The following KANSL1L variants were observed in gnomAD, a reference collection of about 807,000 sequenced individuals.
The protein encoded by KANSL1L is KAT8 regulatory NSL complex subunit 1 like, also known as KAT8 regulatory NSL complex subunit 1-like protein.
Under a neutral mutation model 108.6 loss-of-function variants are expected in KANSL1L, and 25 were observed. The observed-to-expected ratio is 0.23, with a 90% CI of 0.17 to 0.32. The LOEUF is 0.32. Among genes scored for constraint, KANSL1L ranks in the 10% least tolerant of loss-of-function variants. The pLI is 1.00. For synonymous variants in KANSL1L, 405 were observed against 395.1 expected (o/e 1.03, Z -0.30); for missense variants, 1,137 against 1,125.7 (o/e 1.01, Z -0.14).
At chr2:210,049,208 G>A (rs2094259991) in intron 6 of KANSL1L, among the ~76,000 whole-genome samples, 1 of 151,980 alleles carries the variant, frequency 6.6e-6, no homozygotes, top group Non-Finnish European at 1.5e-5. Context: ...GAGTTTAATT[G>A]GAAAATATTC....
At chr2:210,144,282 T>G (rs994729541) in intron 2 of KANSL1L, among the ~76,000 whole-genome samples, 2 of 152,198 alleles carry the variant, frequency 1.3e-5, no homozygotes, top group African/African-American at 4.8e-5. Flanking sequence ...GACTATAATA[T>G]GTTGTAGTGT....
intron 3 of KANSL1L, among the ~76,000 whole-genome samples, chr2:210,108,685 T>A (rs1488781151): frequency 6.6e-6 from 1 of 152,214 alleles, no homozygotes; most frequent in African/African-American, 2.4e-5. Context: ...GCGGTGATCT[T>A]GAAACGACTG....
At chr2:210,120,925 T>A (rs913223950) in intron 3 of KANSL1L, among the ~76,000 whole-genome samples, 11 of 152,164 alleles carry the variant, frequency 7.2e-5, no homozygotes, top group Non-Finnish European at 2.9e-5. Context: ...ATTAGAGAAA[T>A]GCAAATCAAA....
At chr2:210,085,292 G>A (rs1198372335) in intron 5 of KANSL1L, among the ~76,000 whole-genome samples, 1 of 152,158 alleles carries the variant, frequency 6.6e-6, no homozygotes, top group East Asian at 1.9e-4. Flanking sequence ...AACTGTTAAA[G>A]CTGAGAATAT....
intron 6 of KANSL1L, among the ~76,000 whole-genome samples, chr2:210,071,874 C>CT (rs1169300875): frequency 1.3e-5 from 2 of 152,176 alleles, no homozygotes; most frequent in Non-Finnish European, 2.9e-5. Context: ...ACTCCCCTCT[C>CT]TTTTTGGTTG....
At chr2:210,171,447 A>G (rs745553397), upstream of KANSL1L, 177 of 156,108 alleles carry the variant, frequency 1.1e-3, 1 homozygote, top group Non-Finnish European at 1.8e-3. Flanking sequence ...GCCAATGGCA[A>G]CGGGGGAGGG....
chr2:210,132,779 C>T (rs928288191), intron 2 of KANSL1L, among the ~76,000 whole-genome samples: 3 of 152,018 alleles, frequency 2.0e-5, no homozygotes, highest in East Asian at 1.9e-4. Context: ...ATCTGCTGTT[C>T]TCTTGTCATA....
chr2:210,111,294 A>G (rs908115164), intron 3 of KANSL1L, among the ~76,000 whole-genome samples: 2 of 152,186 alleles, frequency 1.3e-5, no homozygotes, highest in Non-Finnish European at 2.9e-5. Context: ...CTACAATGGA[A>G]TACTGCTCAA....
intron 8 of KANSL1L, 133 bp downstream of exon 8, chr2:210,040,279 TGAGTTGTA>T: frequency 1.6e-6 from 1 of 629,638 alleles, no homozygotes; most frequent in Non-Finnish European, 2.8e-6. Flanking sequence ...TATGTGTACA[TGAGTTGTA>T]AAAAGTGAGT....
chr2:210,037,756 T>G (rs2094123015), intron 8 of KANSL1L, among the ~76,000 whole-genome samples: 1 of 152,144 alleles, frequency 6.6e-6, no homozygotes, highest in Admixed American at 6.5e-5. Flanking sequence ...AGTGTGAATC[T>G]CTAACAAACT....
At chr2:210,137,668 G>A (rs923324915) in intron 2 of KANSL1L, among the ~76,000 whole-genome samples, 3 of 152,040 alleles carry the variant, frequency 2.0e-5, no homozygotes, top group African/African-American at 7.2e-5. Flanking sequence ...TGCTAAAGAT[G>A]CCATAAAATT....
In KANSL1L at chr2:210,057,173, G is replaced by A. The variant is rs545224330; in HGVS notation, c.1756-13069C>T. 2.6e-5 allele frequency among the ~76,000 whole-genome samples: 4 copies of A among 152,236 alleles called. No individual in the cohort carries two copies. In the South Asian group the frequency reaches 8.3e-4, roughly 32 times the overall value. On this transcript the variant is annotated intron_variant, in intron 6 of 14. Coordinates refer to ENST00000281772, the MANE Select transcript of KANSL1L (RefSeq NM_152519.4). ...TCCCAGCACTTTGTGAGGCCAAGGT[G>A]GGCAGATCCCTTGAGGCCAGGAATT...
intron 3 of KANSL1L, among the ~76,000 whole-genome samples, chr2:210,112,016 G>A (rs1372568952): frequency 1.1e-4 from 16 of 151,860 alleles, no homozygotes; most frequent in Admixed American, 1.0e-3. Flanking sequence ...AGTTTGCTGA[G>A]AATGATGGTT....
At chr2:210,143,655 T>C (rs907776683) in intron 2 of KANSL1L, among the ~76,000 whole-genome samples, 1 of 152,144 alleles carries the variant, frequency 6.6e-6, no homozygotes, top group Non-Finnish European at 1.5e-5. Context: ...GTGGTTACCA[T>C]TAGGCTTAAG....
rs543425832 is a variant in KANSL1L at position 210,104,231 on chromosome 2, T to G, written c.1301A>C (p.Gln434Pro). The G allele has an allele frequency of 6.2e-7, 1 of 1,613,942 alleles. No homozygotes were observed. The highest frequency in any genetic ancestry group is 2.2e-5 in the East Asian group (1 of 44,840). ...CCCTAGAATGTTTAGTGAAGCTGCT[T>G]GGTCTGCAAATTGCATTTGTTTTTT... is the stretch of plus-strand genomic sequence containing the variant. ...ILKKQMQFAD[Q>P]AASLNILGNP... The change falls in exon 4 of 15, where the codon CAA becomes CCA. Residue 434 changes from glutamine to proline, a missense_variant. Gln to Pro is a moderately conservative substitution (Grantham distance 76). Coordinates refer to ENST00000281772, the MANE Select transcript of KANSL1L (RefSeq NM_152519.4).
chr2:210,058,935 T>C (rs561555262), intron 6 of KANSL1L, among the ~76,000 whole-genome samples: 1 of 151,192 alleles, frequency 6.6e-6, no homozygotes, highest in South Asian at 2.1e-4. Flanking sequence ...AGCTTTAAAA[T>C]TTCTCTCTTT....
intron 3 of KANSL1L, among the ~76,000 whole-genome samples, chr2:210,105,140 A>T (rs2094833748): frequency 6.6e-6 from 1 of 151,946 alleles, no homozygotes; most frequent in South Asian, 2.1e-4. Flanking sequence ...AAAGAGAAAA[A>T]AGGAGTGCAA....
chr2:210,028,590 A>G, intron 11 of KANSL1L: 1 of 315,326 alleles, frequency 3.2e-6, no homozygotes. Flanking sequence ...ATAACACTGG[A>G]TAATAATAAT....
intron 3 of KANSL1L, among the ~76,000 whole-genome samples, 183 bp downstream of exon 3, chr2:210,128,848 G>T (rs2095092777): frequency 6.6e-6 from 1 of 152,044 alleles, no homozygotes; most frequent in Non-Finnish European, 1.5e-5. Flanking sequence ...ATGATAAAAT[G>T]ATCTTAAAAT....
Sources: gnomAD v4.1 joint callset for allele counts (sites outside exome capture counted in the v4.1 genomes callset) on GRCh38, gnomAD v4.1.1 for gene constraint, MANE v1.5 for transcripts, NCBI Gene and HGNC (gene_info 2026-07-23, HGNC 2026-07-21) for gene names.